Variants in FNDC1 observed in about 807,000 individuals in gnomAD.
FNDC1 encodes the protein fibronectin type III domain-containing protein 1.
A neutral mutation model predicts 168.0 loss-of-function variants in FNDC1; 96 were observed. That is an observed-to-expected ratio of 0.57 (90% confidence interval 0.48 to 0.68). The LOEUF is 0.68. Ranked by LOEUF, FNDC1 falls within the 30% of genes least tolerant of loss-of-function variation. The pLI is 0.00. For missense variants in FNDC1, 2,587 were observed against 2,482.1 expected (o/e 1.04, Z -0.90); for synonymous variants, 1,099 against 1,025.9 (o/e 1.07, Z -1.36).
chr6:159,220,974 C>T (rs1782810992), intron 5 of FNDC1, among the ~76,000 whole-genome samples: 1 of 152,206 alleles, frequency 6.6e-6, no homozygotes, highest in African/African-American at 2.4e-5. Context: ...TAGTGGGACC[C>T]TCGGAGGGTG....
rs114185167 is a variant in FNDC1, at chr6:159,234,249, C to A, written c.3737C>A (p.Pro1246Gln). 19 of 1,591,032 alleles carry A rather than the reference C, an allele frequency of 1.2e-5. No individual in the cohort carries two copies. The highest frequency in any genetic ancestry group is 1.4e-5 in the Non-Finnish European group (16 of 1,168,842). The change falls in exon 11 of 23, where the codon CCA becomes CAA. Residue 1246 changes from proline to glutamine, a missense_variant. Coordinates refer to ENST00000297267, the MANE Select transcript of FNDC1 (RefSeq NM_032532.3). ...SLAPVKRPLPPPPGSSPRASH... is the reference protein window; with the variant it reads ...SLAPVKRPLPQPPGSSPRASH... Reference sequence around the variant, plus strand: ...GCTCCTGTGAAGCGACCTCTCCCCCCACCTCCAGGCAGCTCCCCCAGGGCC... The same window carrying A: ...GCTCCTGTGAAGCGACCTCTCCCCCAACCTCCAGGCAGCTCCCCCAGGGCC...
At chr6:159,229,060 T>C (rs1230057637) in intron 9 of FNDC1, among the ~76,000 whole-genome samples, 1 of 152,226 alleles carries the variant, frequency 6.6e-6, no homozygotes, top group Non-Finnish European at 1.5e-5. Context: ...AAGGCAAAAA[T>C]TATTTTTTAA....
chr6:159,259,827 G>A (rs1257417038), intron 18 of FNDC1, among the ~76,000 whole-genome samples: 1 of 152,166 alleles, frequency 6.6e-6, no homozygotes, highest in African/African-American at 2.4e-5. Context: ...TAAATAAGAT[G>A]CAAATGGCTT....
Position 159,251,453 on chromosome 6 carries a change from C to A in FNDC1, c.4986C>A (p.Ile1662=), listed in dbSNP as rs1162539020. 6.2e-7 allele frequency: 1 copy of A among 1,613,984 alleles called. No homozygotes were observed. Among genetic ancestry groups the A allele is most frequent in the Non-Finnish European group, 8.5e-7 (1 of 1,179,892 alleles). Residue 1662 remains isoleucine (I), a synonymous_variant, in exon 17 of 23, where the codon ATC becomes ATA. Coordinates refer to ENST00000297267, the MANE Select transcript of FNDC1 (RefSeq NM_032532.3). ...DLPPQHAPRN[I]TVVAVEGCHS... is the part of the protein sequence containing the mutation. ...CTCCCCAGCATGCTCCCCGCAACAT[C>A]ACCGTGGTGGCCGTGGAAGGTTGCC...
At chr6:159,244,471 G>A (rs1276025384) in intron 14 of FNDC1, among the ~76,000 whole-genome samples, 2 of 152,212 alleles carry the variant, frequency 1.3e-5, no homozygotes, top group Non-Finnish European at 2.9e-5. Context: ...TAGGAGCTGG[G>A]GGCTTCTTAC....
At position 159,188,599 on chromosome 6, in the gene FNDC1, C is replaced by T. The variant is rs1411952683; in HGVS notation, c.110-8832C>T. The stretch of plus-strand genomic sequence containing the variant: ...TTCACCGTGTTAGCCAGGATGGTCT[C>T]GATCTCCTGACCTCGTGATCCACCT... On this transcript the variant is annotated intron_variant, in intron 1 of 22. Transcript: ENST00000297267. 7.3e-5 allele frequency among the ~76,000 whole-genome samples: 11 copies of T among 151,278 alleles called. No individual in the cohort carries two copies. In the East Asian group the frequency reaches 1.8e-3, roughly 24 times the overall value.
chr6:159,249,762 C>T (rs1777219690), intron 16 of FNDC1, among the ~76,000 whole-genome samples: 1 of 152,182 alleles, frequency 6.6e-6, no homozygotes, highest in South Asian at 2.1e-4. Flanking sequence ...TCTTGCAAGT[C>T]TTCTTTTCCC....
intron 1 of FNDC1, among the ~76,000 whole-genome samples, chr6:159,172,858 C>T (rs909513675): frequency 6.6e-6 from 1 of 152,146 alleles, no homozygotes; most frequent in African/African-American, 2.4e-5. Flanking sequence ...GGGTTTTCTC[C>T]AAGCAAAACG....
chr6:159,183,401 A>G (rs1781923785), intron 1 of FNDC1, among the ~76,000 whole-genome samples: 1 of 152,148 alleles, frequency 6.6e-6, no homozygotes, highest in African/African-American at 2.4e-5. Flanking sequence ...AAAATTTCAG[A>G]TTTAAACTGT....
At chr6:159,219,513 C>T (rs418542) in intron 5 of FNDC1, among the ~76,000 whole-genome samples, 70,362 of 151,952 alleles carry the variant, frequency 0.46, 17,834 homozygotes, top group East Asian at 0.68. Flanking sequence ...CTTTGGTGCC[C>T]GCAGATCTGG....
At chr6:159,170,273 C>T (rs577035218) in intron 1 of FNDC1, among the ~76,000 whole-genome samples, 73 of 152,196 alleles carry the variant, frequency 4.8e-4, no homozygotes, top group African/African-American at 1.7e-3. Flanking sequence ...GAGGCCCGCG[C>T]GCCCGGGGGG....
At chr6:159,244,131 T>G (rs908611043) in intron 14 of FNDC1, among the ~76,000 whole-genome samples, 1 of 152,044 alleles carries the variant, frequency 6.6e-6, no homozygotes, top group African/African-American at 2.4e-5. Flanking sequence ...GAACTGATAA[T>G]GAGGAAAAGC....
chr6:159,221,738 A>G, intron 6 of FNDC1, 42 bp downstream of exon 6: 2 of 1,368,626 alleles, frequency 1.5e-6, no homozygotes, highest in Non-Finnish European at 2.1e-6. Context: ...ATAGTCTGGT[A>G]TGAATGCTAT....
At position 159,225,859 on chromosome 6, in the gene FNDC1, G is replaced by T. The variant is rs369616567; in HGVS notation, c.1072+137G>T. 1.2e-3 allele frequency: 963 copies of T among 778,130 alleles called. 14 individuals are homozygous for T. In the South Asian group the frequency reaches 0.019, roughly 15 times the overall value. The allele number at this position is 778,130 out of a possible 1,614,324, so 48.2% of individuals were successfully genotyped here. ...AAAGTCATGTTAATCCTAAATTTTG[G>T]TAGAGTTTCTATGCGTACATGCAAA... On this transcript the variant is annotated intron_variant, in intron 8 of 22. Coordinates refer to ENST00000297267, the MANE Select transcript of FNDC1 (RefSeq NM_032532.3).
rs1209767579 is a variant in FNDC1 at position 159,233,884 on chromosome 6, C to T, written c.3372C>T (p.Asp1124=). Residue 1124 remains aspartate, a synonymous_variant, in exon 11 of 23, where the codon GAC becomes GAT. Coordinates refer to ENST00000297267, the MANE Select transcript of FNDC1 (RefSeq NM_032532.3). The surrounding 1 kb of genome is among the most constrained non-coding windows in gnomAD (Gnocchi z 4.6). ...CCACAGGCGCAGGGGCAGGTGGCGA[C>T]CACAGGTCCCAGCGCGGACATGCGG... ...ESPTGAGAGG[D]HRSQRGHAAS... is the part of the protein sequence containing the mutation. The T allele has an allele frequency of 6.5e-7, 1 of 1,547,484 alleles. No individual in the cohort carries two copies. The highest frequency in any genetic ancestry group is 2.0e-5 in the Admixed American group (1 of 50,838).
chr6:159,230,261 C>T (rs1053486717), intron 10 of FNDC1, among the ~76,000 whole-genome samples: 3 of 152,164 alleles, frequency 2.0e-5, no homozygotes, highest in Non-Finnish European at 4.4e-5. Flanking sequence ...AATCTGACAT[C>T]ATTATTTAAC....
At chr6:159,215,614 A>G (rs564512701) in intron 5 of FNDC1, among the ~76,000 whole-genome samples, 4 of 152,296 alleles carry the variant, frequency 2.6e-5, no homozygotes, top group Admixed American at 2.6e-4. Context: ...ATACACACAC[A>G]TATATAAAGG....
intron 14 of FNDC1, chr6:159,240,956 G>A (rs751700848): frequency 3.3e-5 from 5 of 152,206 alleles, no homozygotes; most frequent in African/African-American, 4.8e-5. Flanking sequence ...CAACGTTATT[G>A]ACTATGATAA....
intron 22 of FNDC1, among the ~76,000 whole-genome samples, chr6:159,270,129 G>A (rs1029081802): frequency 1.1e-4 from 17 of 152,174 alleles, no homozygotes; most frequent in African/African-American, 4.1e-4. Context: ...GGTCTAGGCT[G>A]CAGTGACCTA....
Sources: allele counts gnomAD v4.1 joint callset (sites outside exome capture counted in the v4.1 genomes callset), GRCh38; gene constraint gnomAD v4.1.1; non-coding constraint Gnocchi (gnomAD v3.1); transcripts MANE v1.5; gene names NCBI Gene and HGNC (gene_info 2026-07-23, HGNC 2026-07-21).